The following ACKR3 variants were observed in gnomAD, a reference collection of about 807,000 sequenced individuals.
ACKR3 encodes the protein C-X-C chemokine receptor type 7.
Under a neutral mutation model 22.4 loss-of-function variants are expected in ACKR3, and 6 were observed. The observed-to-expected ratio is 0.27, with a 90% CI of 0.15 to 0.53. The LOEUF is 0.53. ACKR3 is among the 20% of genes least tolerant of loss of function. The pLI is 0.96. For missense variants in ACKR3, 396 were observed against 475.2 expected (o/e 0.83, Z 1.55); for synonymous variants, 209 against 205.2 (o/e 1.02, Z -0.16).
At chr2:236,543,941 G>GTATATA in the ACKR3 span, among the ~76,000 whole-genome samples, 138 of 57,682 alleles carry the variant, frequency 2.4e-3, 1 homozygote, top group Non-Finnish European at 4.4e-3. Context: ...TGGGAGAAGG[G>GTATATA]TATATATATA....
chr2:236,559,774 G>A, the ACKR3 span, among the ~76,000 whole-genome samples: 2,277 of 152,106 alleles, frequency 0.015, 48 homozygotes, highest in African/African-American at 0.045. Flanking sequence ...TTTGATTTCC[G>A]GCACCACAGA....
chr2:236,538,434 A>C, the ACKR3 span, among the ~76,000 whole-genome samples: 1 of 152,222 alleles, frequency 6.6e-6, no homozygotes, highest in Non-Finnish European at 1.5e-5. Context: ...AGCGGAAGCC[A>C]GGTGCTGTGG....
chr2:236,540,187 C>A, the ACKR3 span, among the ~76,000 whole-genome samples: 1 of 152,200 alleles, frequency 6.6e-6, no homozygotes, highest in Admixed American at 6.5e-5. Context: ...TTCTTGCCAA[C>A]ACTCGACGTT....
At chr2:236,567,268 G>A (rs946834767), upstream of ACKR3, among the ~76,000 whole-genome samples, 1 of 152,168 alleles carries the variant, frequency 6.6e-6, no homozygotes, top group Non-Finnish European at 1.5e-5. Context: ...CAAAGTGCTG[G>A]GATTACAGGC....
intron 1 of ACKR3, among the ~76,000 whole-genome samples, chr2:236,580,219 G>A (rs897240307): frequency 6.6e-6 from 1 of 152,206 alleles, no homozygotes; most frequent in African/African-American, 2.4e-5. Context: ...TTTCTGTCTT[G>A]GAGCACCACA....
chr2:236,566,717 T>TCCCTTCCCTTCCCTTCCCTTC (rs1489657341), upstream of ACKR3, among the ~76,000 whole-genome samples: 6 of 103,390 alleles, frequency 5.8e-5, no homozygotes, highest in African/African-American at 2.6e-4. Context: ...TTCCTTTCCT[T>TCCCTTCCCTTCCCTTCCCTTC]CCCTTCCTTC....
the ACKR3 span, among the ~76,000 whole-genome samples, chr2:236,540,154 G>A: frequency 6.6e-6 from 1 of 152,188 alleles, no homozygotes; most frequent in African/African-American, 2.4e-5. Flanking sequence ...CCAGCAATAT[G>A]TGAGTATTCC....
rs372187385 is a variant in ACKR3 at position 236,580,476 on chromosome 2, A to C, written c.11A>C (p.His4Pro). Residue 4 changes from histidine (H) to proline (P), a missense_variant, in exon 2 of 2, where the codon CAT (histidine) becomes CCT (proline). His to Pro is a moderately conservative substitution (Grantham distance 77, BLOSUM62 -2). Transcript: ENST00000272928. MDL[H>P]LFDYSEPGNF... is the part of the protein sequence containing the mutation. ...GCCCGCCTCAGAACGATGGATCTGC[A>C]TCTCTTCGACTACTCAGAGCCAGGG... The C allele has an allele frequency of 6.8e-6, 11 of 1,610,690 alleles. No homozygotes were observed. The highest frequency in any genetic ancestry group is 9.3e-6 in the Non-Finnish European group (11 of 1,177,110).
At chr2:236,562,624 G>A in the ACKR3 span, among the ~76,000 whole-genome samples, 1 of 151,996 alleles carries the variant, frequency 6.6e-6, no homozygotes, top group Non-Finnish European at 1.5e-5. Flanking sequence ...GGACAGCAGT[G>A]TCCCTCAGAG....
chr2:236,564,154 G>GC (rs11417194), upstream of ACKR3, among the ~76,000 whole-genome samples: 17,347 of 152,256 alleles, frequency 0.11, 3,113 homozygotes, highest in African/African-American at 0.38. Flanking sequence ...CAGAGGCCAA[G>GC]CTTCACTTCA....
Position 236,581,759 on chromosome 2 carries a change from A to C in ACKR3, c.*205A>C. 1.6e-6 allele frequency: 1 copy of C among 639,302 alleles called. No individual in the cohort carries two copies. The highest frequency in any genetic ancestry group is 2.6e-6 in the Non-Finnish European group (1 of 380,454). The allele number at this position is 639,302 out of a possible 1,614,324, so 39.6% of individuals were successfully genotyped here. A position where few individuals can be genotyped will look rare whatever the true frequency, so the allele number is the denominator to read the frequency against. On this transcript the variant is annotated 3_prime_UTR_variant, in exon 2 of 2. Transcript: ENST00000272928. This position sits in a 1 kb window ranked among gnomAD's most constrained non-coding sequence, Gnocchi z 4.4. ...CTGTGCGTGCTGACAGTTTTGCAAC[A>C]GGCAGAGCTGTGTCGCACAGCAGTG...
Position 236,580,727 on chromosome 2 carries a change from A to T in ACKR3, c.262A>T (p.Ile88Phe). The T allele has an allele frequency of 1.9e-6, 3 of 1,613,982 alleles. No homozygotes were observed. The East Asian group carries it at 6.7e-5, about 36-fold the overall frequency. ...GCACTGCTACATCTTGAACCTGGCC[A>T]TTGCCGACCTGTGGGTTGTCCTCAC... is the stretch of plus-strand genomic sequence containing the variant. ...DTHCYILNLA[I>F]ADLWVVLTIP... Residue 88 changes from isoleucine to phenylalanine, a missense_variant, in exon 2 of 2, where the codon ATT (isoleucine) becomes TTT (phenylalanine). Transcript: ENST00000272928.
chr2:236,557,035 A>T, the ACKR3 span, among the ~76,000 whole-genome samples: 10 of 152,250 alleles, frequency 6.6e-5, no homozygotes, highest in African/African-American at 2.4e-4. Context: ...TGTTTCAGCA[A>T]CAATAAGACG....
chr2:236,549,786 A>G, the ACKR3 span, among the ~76,000 whole-genome samples: 3 of 152,198 alleles, frequency 2.0e-5, no homozygotes, highest in African/African-American at 7.2e-5. The surrounding 1 kb of genome is among the most constrained non-coding windows in gnomAD (Gnocchi z 5.3). Context: ...GGAGCCCTGT[A>G]CATCCCTGGG....
At chr2:236,542,470 C>T in the ACKR3 span, among the ~76,000 whole-genome samples, 1 of 152,176 alleles carries the variant, frequency 6.6e-6, no homozygotes, top group South Asian at 2.1e-4. Flanking sequence ...GGACCGACAT[C>T]TCCCTGCTGT....
the ACKR3 span, among the ~76,000 whole-genome samples, chr2:236,544,807 G>T: frequency 6.6e-6 from 1 of 152,156 alleles, no homozygotes; most frequent in Non-Finnish European, 1.5e-5. This position sits in a 1 kb window ranked among gnomAD's most constrained non-coding sequence, Gnocchi z 5.0. Flanking sequence ...GAGAGATGTG[G>T]GCTAGATTTG....
chr2:236,554,594 A>G, the ACKR3 span, among the ~76,000 whole-genome samples: 1 of 152,092 alleles, frequency 6.6e-6, no homozygotes, highest in Admixed American at 6.5e-5. Flanking sequence ...GGTGCCAGAA[A>G]CCTGTCCTCT....
intron 1 of ACKR3, among the ~76,000 whole-genome samples, chr2:236,578,573 G>A (rs996801171): frequency 3.9e-5 from 6 of 152,220 alleles, no homozygotes; most frequent in African/African-American, 1.4e-4. Flanking sequence ...GTCAGGTTAG[G>A]TCACGAGGAG....
the ACKR3 span, among the ~76,000 whole-genome samples, chr2:236,551,930 A>G: frequency 0.24 from 36,428 of 151,982 alleles, 6,392 homozygotes; most frequent in African/African-American, 0.5. Flanking sequence ...GCCTCTGCTC[A>G]GAGGCTCAGC....
Sources: gnomAD v4.1 joint callset for allele counts (sites outside exome capture counted in the v4.1 genomes callset) on GRCh38, gnomAD v4.1.1 for gene constraint, Gnocchi (gnomAD v3.1) non-coding constraint, MANE v1.5 for transcripts, NCBI Gene and HGNC (gene_info 2026-07-23, HGNC 2026-07-21) for gene names.